The following RUVBL1 variants were observed in gnomAD, a reference collection of about 807,000 sequenced individuals.
RUVBL1 encodes the protein RuvB like AAA ATPase 1.
A neutral mutation model predicts 52.4 loss-of-function variants in RUVBL1; 4 were observed. The observed-to-expected ratio is 0.08, with a 90% confidence interval of 0.04 to 0.17. The LOEUF (loss-of-function observed/expected upper bound fraction) is 0.17, where lower values mean the gene tolerates loss of function less well. Ranked by LOEUF, RUVBL1 falls within the 10% of genes least tolerant of loss-of-function variation. The pLI, the probability that RUVBL1 is intolerant of heterozygous loss-of-function variation, is 1.00. For synonymous variants in RUVBL1, 217 were observed against 214.4 expected (o/e 1.01, Z -0.10); for missense variants, 298 against 572.8 (o/e 0.52, Z 4.90).
At chr3:128,113,678 CTGAG>C (rs1943450425) in intron 2 of RUVBL1, among the ~76,000 whole-genome samples, 2 of 150,534 alleles carry the variant, frequency 1.3e-5, no homozygotes, top group African/African-American at 4.9e-5. Context: ...TGTTTTTTTC[CTGAG>C]TATTTTTGAT....
At chr3:128,114,517 GT>G (rs1180464833) in intron 2 of RUVBL1, among the ~76,000 whole-genome samples, 2 of 152,126 alleles carry the variant, frequency 1.3e-5, no homozygotes, top group Non-Finnish European at 2.9e-5. Context: ...AAGTACTAAA[GT>G]GCCATGCTAG....
At chr3:128,079,286 C>A (rs150677235), downstream of RUVBL1, among the ~76,000 whole-genome samples, 33 of 152,366 alleles carry the variant, frequency 2.2e-4, no homozygotes, top group African/African-American at 7.0e-4. Context: ...CTAGCTGCTG[C>A]TAAATGCCAA....
rs1295049165 is a variant in RUVBL1 at position 128,081,572 on chromosome 3, C to T, written c.1212-163G>A. 1.5e-6 allele frequency: 1 copy of T among 672,818 alleles called. No individual in the cohort carries two copies. Among genetic ancestry groups the T allele is most frequent in the Non-Finnish European group, 2.5e-6 (1 of 404,464 alleles). 41.7% of individuals were successfully genotyped at this position (672,818 alleles called of 1,614,324 possible). On this transcript the variant is annotated intron_variant, in intron 10 of 10. Coordinates refer to ENST00000322623, the MANE Select transcript of RUVBL1 (RefSeq NM_003707.3). The surrounding 1 kb of genome is among the most constrained non-coding windows in gnomAD (Gnocchi z 4.8). Reference sequence around the variant, plus strand: ...AAGGGGAGACAAAGTTGTCACTTCTCAGAGAGCTGCAGTCATTATCCCATC... The same window carrying T: ...AAGGGGAGACAAAGTTGTCACTTCTTAGAGAGCTGCAGTCATTATCCCATC...
chr3:128,101,396 T>C (rs982939344), intron 5 of RUVBL1, among the ~76,000 whole-genome samples, 163 bp downstream of exon 5: 1 of 152,130 alleles, frequency 6.6e-6, no homozygotes, highest in Non-Finnish European at 1.5e-5. Context: ...GCAAACTTTA[T>C]TATACATAAA....
intron 1 of RUVBL1, among the ~76,000 whole-genome samples, chr3:128,136,963 G>A (rs1217950846): frequency 3.9e-5 from 6 of 152,144 alleles, no homozygotes; most frequent in African/African-American, 1.4e-4. Flanking sequence ...GACTTAATCT[G>A]CTATAGACCA....
intron 3 of RUVBL1, among the ~76,000 whole-genome samples, chr3:128,109,322 G>C (rs1943322029): frequency 1.3e-5 from 2 of 152,160 alleles, no homozygotes; most frequent in Admixed American, 6.5e-5. Context: ...AAGGCAAAAG[G>C]ATTACTTGAG....
In RUVBL1 at chr3:128,064,868, T is replaced by C. The variant is rs199850620; in HGVS notation, c.*344A>G. On this transcript the variant is annotated 3_prime_UTR_variant, in exon 10 of 10. Transcript: ENST00000464873. Reference sequence around the variant, plus strand: ...GTTCCTTCATATATGTCTCCTCCTCTGCCAACAGGAATGGAATTTGAAGGT... The same window carrying C: ...GTTCCTTCATATATGTCTCCTCCTCCGCCAACAGGAATGGAATTTGAAGGT... 6 of 1,587,340 alleles carry C rather than the reference T, an allele frequency of 3.8e-6. No homozygotes were observed. In the East Asian group the frequency reaches 1.3e-4, roughly 36 times the overall value.
At chr3:128,151,045 A>G (rs1446838899) in intron 1 of RUVBL1, among the ~76,000 whole-genome samples, 1 of 102,506 alleles carries the variant, frequency 9.8e-6, no homozygotes, top group Non-Finnish European at 1.8e-5. Context: ...TATATTCTAT[A>G]TATTCTATAT....
chr3:128,098,951 T>A lies in RUVBL1; in HGVS notation c.754-6A>T, dbSNP rs1299118301. 1 of 1,613,362 alleles carries A rather than the reference T, an allele frequency of 6.2e-7. No individual in the cohort carries two copies. Among genetic ancestry groups the A allele is most frequent in the African/African-American group, 1.3e-5 (1 of 74,972 alleles). ...GACAGGATATCTTGTCCCCCCTGCA[T>A]AAGAGAAGACTTAGAGTCAGTGCTG... is the stretch of plus-strand genomic sequence containing the variant. On this transcript the variant is annotated splice_region_variant and splice_polypyrimidine_tract_variant and intron_variant, in intron 6 of 10. Coordinates refer to ENST00000322623, the MANE Select transcript of RUVBL1 (RefSeq NM_003707.3).
intron 9 of RUVBL1, among the ~76,000 whole-genome samples, chr3:128,073,181 G>A (rs371514913): frequency 3.3e-5 from 5 of 152,150 alleles, no homozygotes; most frequent in African/African-American, 9.7e-5. Flanking sequence ...TGCTAGGGAC[G>A]TAGCTGGGGC....
chr3:128,104,653 G>T, intron 4 of RUVBL1, 120 bp downstream of exon 4: 2 of 803,820 alleles, frequency 2.5e-6, no homozygotes, highest in East Asian at 5.4e-5. Flanking sequence ...AATTCTGTGA[G>T]AAATCAATAC....
intron 3 of RUVBL1, 61 bp downstream of exon 3, chr3:128,112,827 C>A: frequency 6.4e-7 from 1 of 1,573,430 alleles, no homozygotes; most frequent in South Asian, 1.2e-5. Flanking sequence ...CACAAAGAGG[C>A]TTCGGTGCAC....
At chr3:128,098,780 G>A in intron 7 of RUVBL1, 102 bp downstream of exon 7, 1 of 957,690 alleles carries the variant, frequency 1.0e-6, no homozygotes, top group Non-Finnish European at 1.7e-6. Context: ...CTGTTCTGAG[G>A]CATTTCCTCA....
At chr3:128,123,298 C>T (rs34223939) in intron 1 of RUVBL1, among the ~76,000 whole-genome samples, 1 of 152,252 alleles carries the variant, frequency 6.6e-6, no homozygotes, top group Admixed American at 6.5e-5. Context: ...GAGCCTGGTA[C>T]GAATTAAGGG....
rs113575260 is a variant in RUVBL1, at chr3:128,123,379, C to A, written c.141+205G>T. On this transcript the variant is annotated intron_variant, in intron 1 of 10. Coordinates refer to ENST00000322623, the MANE Select transcript of RUVBL1 (RefSeq NM_003707.3). ...AAACCGTCAACTGCCCCCAGTGGAT[C>A]GTCACTAGGTATCCTGGGGCGGCCC... Among the ~76,000 whole-genome samples the A allele has an allele frequency of 3.6e-3, 543 of 152,248 alleles. 1 individual carries two copies. The highest frequency in any genetic ancestry group is 0.012 in the African/African-American group (505 of 41,546).
At chr3:128,138,406 T>C (rs970991736) in intron 1 of RUVBL1, among the ~76,000 whole-genome samples, 2 of 152,176 alleles carry the variant, frequency 1.3e-5, no homozygotes, top group African/African-American at 2.4e-5. Context: ...GTAGCATTTC[T>C]ATATGCCAAC....
At chr3:128,095,416 G>T (rs1300629974) in intron 8 of RUVBL1, among the ~76,000 whole-genome samples, 2 of 152,252 alleles carry the variant, frequency 1.3e-5, no homozygotes, top group Non-Finnish European at 2.9e-5. Flanking sequence ...ACAGCCACAG[G>T]CATGCCAGGC....
intron 1 of RUVBL1, among the ~76,000 whole-genome samples, chr3:128,138,858 A>T (rs1230488714): frequency 6.6e-6 from 1 of 152,088 alleles, no homozygotes; most frequent in Non-Finnish European, 1.5e-5. Flanking sequence ...ACAAAAACAA[A>T]AACATAGTCT....
At chr3:128,103,820 CAATA>C (rs1344071050) in intron 4 of RUVBL1, among the ~76,000 whole-genome samples, 1 of 152,102 alleles carries the variant, frequency 6.6e-6, no homozygotes, top group Non-Finnish European at 1.5e-5. Context: ...TTATGAATGA[CAATA>C]AATGTTTGTT....
Sources: gnomAD v4.1 joint callset for allele counts (sites outside exome capture counted in the v4.1 genomes callset) on GRCh38, gnomAD v4.1.1 for gene constraint, Gnocchi (gnomAD v3.1) non-coding constraint, MANE v1.5 for transcripts, NCBI Gene and HGNC (gene_info 2026-07-23, HGNC 2026-07-21) for gene names.